The following LPA variants were observed in gnomAD, a reference collection of about 807,000 sequenced individuals.
The protein encoded by LPA is lipoprotein(a), also known as apolipoprotein(a).
A neutral mutation model predicts 197.9 loss-of-function variants in LPA; 199 were observed. The observed-to-expected ratio is 1.01, with a 90% confidence interval of 0.90 to 1.13. The LOEUF is 1.13. LPA is among the 50% of genes most tolerant of loss of function. The pLI, the probability that LPA is intolerant of heterozygous loss-of-function variation, is 0.00. For synonymous variants in LPA, 715 were observed against 639.5 expected (o/e 1.12, Z -1.78); for missense variants, 1,853 against 1,785.8 (o/e 1.04, Z -0.68).
chr6:160,566,355 G>T (rs1265822787), intron 28 of LPA, among the ~76,000 whole-genome samples: 2 of 152,094 alleles, frequency 1.3e-5, no homozygotes, highest in Non-Finnish European at 2.9e-5. Flanking sequence ...TTAAAGAAAA[G>T]AATTTTCAAC....
At chr6:160,551,759 C>A (rs1161789849) in intron 30 of LPA, among the ~76,000 whole-genome samples, 1 of 152,132 alleles carries the variant, frequency 6.6e-6, no homozygotes, top group Non-Finnish European at 1.5e-5. Context: ...CATGGATATC[C>A]AAATGGTTCA....
At chr6:160,547,670 C>T in intron 32 of LPA, 119 bp downstream of exon 32, 1 of 1,409,934 alleles carries the variant, frequency 7.1e-7, no homozygotes, top group South Asian at 1.2e-5. Flanking sequence ...TTGCACTTTC[C>T]ATGCTAAGGC....
intron 20 of LPA, among the ~76,000 whole-genome samples, chr6:160,598,498 C>A (rs1358907118): frequency 6.6e-6 from 1 of 152,190 alleles, no homozygotes; most frequent in African/African-American, 2.4e-5. Flanking sequence ...CTCATTTTCT[C>A]CCTCTTGCAA....
intron 37 of LPA, among the ~76,000 whole-genome samples, chr6:160,536,491 G>A (rs907707435): frequency 6.6e-6 from 1 of 152,124 alleles, no homozygotes; most frequent in African/African-American, 2.4e-5. Flanking sequence ...ATCAGCTGAG[G>A]AAACAATCAG....
At chr6:160,567,525 G>A (rs1000039738) in intron 28 of LPA, among the ~76,000 whole-genome samples, 44 of 152,202 alleles carry the variant, frequency 2.9e-4, no homozygotes, top group African/African-American at 1.0e-3. Flanking sequence ...AGCACTAAAT[G>A]CCCACAAGAG....
At chr6:160,656,137 T>C (rs568995381) in intron 1 of LPA, among the ~76,000 whole-genome samples, 14 of 152,356 alleles carry the variant, frequency 9.2e-5, no homozygotes, top group South Asian at 6.2e-4. Context: ...CCAAGATCCA[T>C]CTGTCCTCTG....
At chr6:160,610,900 C>A (rs1779490056) in intron 16 of LPA, among the ~76,000 whole-genome samples, 2 of 152,120 alleles carry the variant, frequency 1.3e-5, no homozygotes, top group Non-Finnish European at 2.9e-5. Flanking sequence ...TTTTCCATGT[C>A]TTTGGTTGTT....
intron 7 of LPA, among the ~76,000 whole-genome samples, chr6:160,634,435 G>A (rs1258569332): frequency 8.1e-6 from 1 of 122,918 alleles, no homozygotes; most frequent in Non-Finnish European, 1.7e-5. Flanking sequence ...AAGGATGTGT[G>A]CACGCCAAAA....
chr6:160,562,310 C>T (rs1047153188), intron 28 of LPA, among the ~76,000 whole-genome samples: 12 of 152,110 alleles, frequency 7.9e-5, no homozygotes, highest in Non-Finnish European at 1.2e-4. Context: ...GCCTTTTCTG[C>T]GTCTATTGCG....
At chr6:160,606,014 T>A (rs2115060394) in intron 17 of LPA, among the ~76,000 whole-genome samples, 1 of 152,140 alleles carries the variant, frequency 6.6e-6, no homozygotes, top group South Asian at 2.1e-4. Context: ...CCAGGGTGAT[T>A]TGGAATTAAT....
chr6:160,653,952 A>C (rs1227625027), intron 1 of LPA, among the ~76,000 whole-genome samples: 1 of 32,040 alleles, frequency 3.1e-5, no homozygotes, highest in South Asian at 8.8e-4. Flanking sequence ...TATATATATT[A>C]TATATAATAT....
chr6:160,647,287 G>C (rs569462599), intron 2 of LPA, among the ~76,000 whole-genome samples: 3 of 152,316 alleles, frequency 2.0e-5, no homozygotes, highest in East Asian at 1.9e-4. Flanking sequence ...AGGCAAAGCA[G>C]CTGAGGAGTT....
intron 26 of LPA, among the ~76,000 whole-genome samples, chr6:160,582,391 G>A (rs1276099352): frequency 1.3e-5 from 2 of 151,676 alleles, no homozygotes; most frequent in Non-Finnish European, 2.9e-5. Flanking sequence ...CACTCTAAAG[G>A]TGTTATTCCA....
chr6:160,580,318 A>T (rs1778768894), intron 26 of LPA, among the ~76,000 whole-genome samples: 1 of 151,222 alleles, frequency 6.6e-6, no homozygotes, highest in African/African-American at 2.5e-5. Flanking sequence ...TTTTGATGAA[A>T]ACATTGAAAT....
At chr6:160,647,771 C>G (rs1400191177) in intron 2 of LPA, among the ~76,000 whole-genome samples, 6 of 152,162 alleles carry the variant, frequency 3.9e-5, no homozygotes, top group African/African-American at 1.4e-4. Flanking sequence ...GCTACATGTT[C>G]AAATTTTTAC....
At position 160,653,982 on chromosome 6, in the gene LPA, A is replaced by ATATATATTATATATTATATATAG. The variant is rs1780060737; in HGVS notation, c.50-3486_50-3485insCTATATATAATATATAATATATA. ...TAATATATATTATATATAATATATA[A>ATATATATTATATATTATATATAG]TATATAATATATATTATATATAATA... On this transcript the variant is annotated intron_variant, in intron 1 of 38. Coordinates refer to ENST00000316300, the MANE Select transcript of LPA (RefSeq NM_005577.4). Among the ~76,000 whole-genome samples, 19 of 11,608 alleles carry ATATATATTATATATTATATATAG rather than the reference A, an allele frequency of 1.6e-3. 4 individuals carry two copies. The highest frequency in any genetic ancestry group is 5.6e-3 in the African/African-American group (19 of 3,402). 7.6% of individuals were successfully genotyped at this position (11,608 alleles called of 152,430 possible).
chr6:160,634,937 C>A (rs1475717762), intron 7 of LPA, among the ~76,000 whole-genome samples, 186 bp downstream of exon 7: 1 of 150,228 alleles, frequency 6.7e-6, no homozygotes, highest in Non-Finnish European at 1.5e-5. Context: ...AAAGCCCACC[C>A]AAGTTGCACC....
intron 1 of LPA, among the ~76,000 whole-genome samples, chr6:160,654,081 T>TTA (rs568120559): frequency 4.5e-5 from 1 of 22,068 alleles, no homozygotes; most frequent in Non-Finnish European, 8.8e-5. Context: ...ATAATATATA[T>TTA]TATATATATT....
intron 1 of LPA, 24 bp downstream of exon 1, chr6:160,664,142 T>C: frequency 1.3e-6 from 2 of 1,583,684 alleles, no homozygotes; most frequent in Admixed American, 1.7e-5. Context: ...ATAATTCTTA[T>C]AATTTAAAAA....
Sources: allele counts gnomAD v4.1 joint callset (sites outside exome capture counted in the v4.1 genomes callset), GRCh38; gene constraint gnomAD v4.1.1; transcripts MANE v1.5; gene names NCBI Gene and HGNC (gene_info 2026-07-23, HGNC 2026-07-21).